The following PRSS23 variants were observed in gnomAD, a reference collection of about 807,000 sequenced individuals.
PRSS23 encodes the protein protease, serine 23.
In PRSS23, 25 loss-of-function variants were observed where a neutral mutation model predicts 34.7. The observed-to-expected ratio is 0.72, with a 90% CI of 0.53 to 1.01. The LOEUF (loss-of-function observed/expected upper bound fraction) is 1.01, where lower values mean the gene tolerates loss of function less well. Among genes scored for constraint, PRSS23 ranks in the 50% least tolerant of loss-of-function variants. The pLI is 0.00. For synonymous variants in PRSS23, 176 were observed against 186.6 expected, an observed-to-expected ratio of 0.94 and a Z score of 0.46; for missense variants, 445 against 475.6, an observed-to-expected ratio of 0.94 and a Z score of 0.60.
chr11:86,894,396 C>T (rs528108071), intron 2 of PRSS23, among the ~76,000 whole-genome samples: 1 of 152,324 alleles, frequency 6.6e-6, no homozygotes, highest in South Asian at 2.1e-4. Context: ...ATTTCAAAGA[C>T]AATGAATGTT....
intron 2 of PRSS23, among the ~76,000 whole-genome samples, chr11:86,859,749 A>G (rs1442698924): frequency 1.3e-5 from 2 of 151,950 alleles, no homozygotes; most frequent in South Asian, 2.1e-4. Context: ...ATAACTCCCA[A>G]TATCACAAGA....
intron 2 of PRSS23, among the ~76,000 whole-genome samples, chr11:86,851,795 T>A (rs1261196502): frequency 6.6e-6 from 1 of 152,214 alleles, no homozygotes; most frequent in Non-Finnish European, 1.5e-5. Context: ...ATCTGCCATC[T>A]TCCTTTTTAT....
chr11:86,816,334 C>T (rs1037653492), intron 1 of PRSS23, among the ~76,000 whole-genome samples: 4 of 152,134 alleles, frequency 2.6e-5, no homozygotes, highest in Non-Finnish European at 4.4e-5. Flanking sequence ...GGTGTTCATG[C>T]GTCTTCTCCT....
At chr11:86,925,080 A>G (rs1042552615) in intron 2 of PRSS23, 4 of 152,232 alleles carry the variant, frequency 2.6e-5, no homozygotes, top group African/African-American at 9.6e-5. Context: ...ATCACCCCAG[A>G]CATCACTTGA....
chr11:86,939,426 A>ATATATATATATATATATTTTTTTTT, intron 2 of PRSS23, among the ~76,000 whole-genome samples: 5 of 94,070 alleles, frequency 5.3e-5, no homozygotes, highest in Non-Finnish European at 1.2e-4. Flanking sequence ...ATATATATAT[A>ATATATATATATATATATTTTTTTTT]TTTTTTAACA....
intron 2 of PRSS23, among the ~76,000 whole-genome samples, chr11:86,890,457 C>T (rs1369337415): frequency 6.6e-6 from 1 of 152,146 alleles, no homozygotes; most frequent in East Asian, 1.9e-4. Context: ...TAAATTGTAT[C>T]CATGTAGGGT....
intron 2 of PRSS23, among the ~76,000 whole-genome samples, chr11:86,885,968 T>C (rs1239503859): frequency 6.6e-6 from 1 of 150,900 alleles, no homozygotes; most frequent in Non-Finnish European, 1.5e-5. Flanking sequence ...GGCTATCTGG[T>C]AGTTAATGAT....
At chr11:86,861,527 A>C (rs1249775466) in intron 2 of PRSS23, among the ~76,000 whole-genome samples, 6 of 150,880 alleles carry the variant, frequency 4.0e-5, no homozygotes, top group African/African-American at 1.5e-4. Context: ...GATATTGTTC[A>C]TAATATCCAG....
intron 2 of PRSS23, among the ~76,000 whole-genome samples, chr11:86,896,151 G>A (rs910856336): frequency 9.2e-5 from 14 of 152,042 alleles, no homozygotes; most frequent in African/African-American, 3.4e-4. Context: ...GTTTGCACAG[G>A]AAATTTTATT....
At chr11:86,948,647 A>C (rs1949264341) in intron 2 of PRSS23, 1 of 152,216 alleles carries the variant, frequency 6.6e-6, no homozygotes, top group African/African-American at 2.4e-5. Flanking sequence ...AAGCATTGTC[A>C]AAACACTAGC....
In PRSS23 at chr11:86,877,800, C is replaced by T. The variant is rs191773600; in HGVS notation, c.206+54207C>T. On this transcript the variant is annotated intron_variant, in intron 2 of 2. Transcript: ENST00000533902. ...TTGTTTGTTTTCAAAACTCTTTTGG[C>T]TATTCAGGGTCCCTTGCAATTCCAT... Among the ~76,000 whole-genome samples the T allele has an allele frequency of 4.1e-5, 6 of 147,554 alleles. No homozygotes were observed. The Admixed American group carries it at 4.1e-4, about 10-fold the overall frequency.
intron 2 of PRSS23, among the ~76,000 whole-genome samples, chr11:86,943,477 A>C (rs1482155073): frequency 2.0e-5 from 3 of 152,084 alleles, no homozygotes; most frequent in Non-Finnish European, 4.4e-5. Context: ...TACAAAAATT[A>C]GTCAGGCATG....
chr11:86,799,842 C>T (rs1304535575), upstream of PRSS23, among the ~76,000 whole-genome samples: 1 of 152,218 alleles, frequency 6.6e-6, no homozygotes, highest in Non-Finnish European at 1.5e-5. Flanking sequence ...CGCTCAGAAG[C>T]TGCCAAGCAC....
intron 2 of PRSS23, among the ~76,000 whole-genome samples, chr11:86,834,544 T>C (rs1173695925): frequency 7.0e-6 from 1 of 142,024 alleles, no homozygotes. Flanking sequence ...TCCTTTCCTT[T>C]CCTTTCCTTT....
Position 86,809,999 on chromosome 11 carries a change from G to A in PRSS23, c.*1204G>A, listed in dbSNP as rs989763042. On this transcript the variant is annotated 3_prime_UTR_variant, in exon 2 of 2. Coordinates refer to ENST00000280258, the MANE Select transcript of PRSS23 (RefSeq NM_007173.6). ...TTTTCCCTCTAGCTTTAAAAGGGCC[G>A]CTTTTGCTGGAATGCTCTAGGTTAT... The A allele has an allele frequency of 6.0e-6, 1 of 166,962 alleles. No homozygotes were observed. The highest frequency in any genetic ancestry group is 1.5e-5 in the Non-Finnish European group (1 of 68,116). 10.3% of individuals were successfully genotyped at this position (166,962 alleles called of 1,614,324 possible). A position where few individuals can be genotyped will look rare whatever the true frequency, so the allele number is the denominator to read the frequency against.
intron 1 of PRSS23, among the ~76,000 whole-genome samples, chr11:86,802,914 A>C (rs1948056828): frequency 6.6e-6 from 1 of 152,214 alleles, no homozygotes; most frequent in African/African-American, 2.4e-5. Flanking sequence ...ATCCTCAAAA[A>C]GTATAAATAT....
At chr11:86,919,263 A>C (rs1457518469) in intron 2 of PRSS23, among the ~76,000 whole-genome samples, 2 of 152,172 alleles carry the variant, frequency 1.3e-5, no homozygotes. Context: ...TTTCCTTGGG[A>C]ACCAGACTCT....
chr11:86,843,936 A>G (rs1218256535), intron 2 of PRSS23, among the ~76,000 whole-genome samples: 1 of 152,240 alleles, frequency 6.6e-6, no homozygotes, highest in Non-Finnish European at 1.5e-5. Flanking sequence ...AGGATTAAAA[A>G]TCATTCTACT....
At chr11:86,866,373 T>G (rs1948649589) in intron 2 of PRSS23, among the ~76,000 whole-genome samples, 2 of 151,898 alleles carry the variant, frequency 1.3e-5, no homozygotes, top group Admixed American at 1.3e-4. Context: ...GGTACAGGAG[T>G]GAAGGGGTCA....
Sources: gnomAD v4.1 joint callset for allele counts (sites outside exome capture counted in the v4.1 genomes callset) on GRCh38, gnomAD v4.1.1 for gene constraint, MANE v1.5 for transcripts, NCBI Gene and HGNC (gene_info 2026-07-23, HGNC 2026-07-21) for gene names.